MYOM3: variants seen among roughly 807,000 people sequenced by gnomAD.
The protein encoded by MYOM3 is myomesin-3.
Under a neutral mutation model 191.7 loss-of-function variants are expected in MYOM3, and 155 were observed. That is an observed-to-expected ratio of 0.81 (90% CI 0.71 to 0.92). The LOEUF (loss-of-function observed/expected upper bound fraction) is 0.92. MYOM3 is among the 40% of genes least tolerant of loss of function. MYOM3 has a pLI of 0.00. For missense variants in MYOM3, 1,889 were observed against 1,890.6 expected, an observed-to-expected ratio of 1.00 and a Z score of 0.02; for synonymous variants, 757 against 762.9, an observed-to-expected ratio of 0.99 and a Z score of 0.13.
intron 2 of MYOM3, 154 bp from the exon 3 acceptor site, chr1:24,108,227 T>TCC (rs11447181): frequency 2.7e-6 from 2 of 751,874 alleles, no homozygotes; most frequent in East Asian, 2.8e-5. Context: ...CAAGGCTGCA[T>TCC]CCCCCCGACC....
At chr1:24,059,555 A>G (rs1348601684) in intron 35 of MYOM3, among the ~76,000 whole-genome samples, 1 of 152,212 alleles carries the variant, frequency 6.6e-6, no homozygotes, top group Non-Finnish European at 1.5e-5. Flanking sequence ...TGGTACCTGG[A>G]GGTGACCATG....
intron 18 of MYOM3, 162 bp downstream of exon 18, chr1:24,081,839 G>T: frequency 1.4e-6 from 1 of 719,592 alleles, no homozygotes; most frequent in Non-Finnish European, 2.3e-6. Flanking sequence ...GCTCTAAACA[G>T]TTCTGTTCAA....
At chr1:24,109,077 C>T (rs1644018817) in intron 1 of MYOM3, among the ~76,000 whole-genome samples, 1 of 152,248 alleles carries the variant, frequency 6.6e-6, no homozygotes, top group South Asian at 2.1e-4. Context: ...GCAGGCGTCC[C>T]CATTCTTCCT....
At position 24,086,708 on chromosome 1, in the gene MYOM3, C is replaced by A. The variant is rs1234024694; in HGVS notation, c.1734G>T (p.Met578Ile). ...KKSYVFRVRA[M>I]NQYGLSDPSE... is the part of the protein sequence containing the mutation. ...AGGGATCGCTCAGGCCATACTGGTT[C>A]ATTGCTCGCACTCTGAAGACATACG... The change falls in exon 15 of 37, where the codon ATG becomes ATT. Residue 578 changes from methionine (M) to isoleucine (I), a missense_variant. Transcript: ENST00000374434. 6.2e-7 allele frequency: 1 copy of A among 1,614,068 alleles called. No homozygotes were observed. The highest frequency in any genetic ancestry group is 1.7e-5 in the Admixed American group (1 of 60,002).
intron 9 of MYOM3, among the ~76,000 whole-genome samples, chr1:24,094,517 G>A (rs900764295): frequency 2.0e-5 from 3 of 152,032 alleles, no homozygotes; most frequent in African/African-American, 7.2e-5. Context: ...GGCTGAGCAG[G>A]TGCCTGGTCA....
intron 16 of MYOM3, chr1:24,083,475 C>G (rs1570871411): frequency 6.5e-6 from 1 of 152,770 alleles, no homozygotes; most frequent in Admixed American, 6.5e-5. Context: ...GACTGGCTTC[C>G]TCGCTCCTCA....
At chr1:24,060,014 A>G (rs1362617056) in intron 35 of MYOM3, among the ~76,000 whole-genome samples, 1 of 152,168 alleles carries the variant, frequency 6.6e-6, no homozygotes, top group Non-Finnish European at 1.5e-5. Context: ...GCTGGACAAA[A>G]TGATTGTTTC....
chr1:24,091,017 C>G, intron 11 of MYOM3, 21 bp from the exon 12 acceptor site: 1 of 1,611,974 alleles, frequency 6.2e-7, no homozygotes, highest in Admixed American at 1.7e-5. Flanking sequence ...CAGGCCCCCC[C>G]TTTCAGCCCC....
In MYOM3 at chr1:24,080,143, A is replaced by T. The variant is rs1431084301; in HGVS notation, c.2459T>A (p.Leu820Gln). Reference sequence around the variant, plus strand: ...CATATACAGTGGGGGTTCCCACTGCAGCACCAGGGATGTGGCCCGCACCTC... The same window carrying T: ...CATATACAGTGGGGGTTCCCACTGCTGCACCAGGGATGTGGCCCGCACCTC... ...ASEVRATSLV[L>Q]QWEPPLYMGA... Residue 820 changes from leucine to glutamine, a missense_variant, in exon 20 of 37, where the codon CTG becomes CAG. Transcript: ENST00000374434. 1 of 1,613,752 alleles carries T rather than the reference A, an allele frequency of 6.2e-7. No homozygotes were observed. The highest frequency in any genetic ancestry group is 8.5e-7 in the Non-Finnish European group (1 of 1,179,866).
intron 8 of MYOM3, 139 bp downstream of exon 8, chr1:24,095,303 A>G (rs2148557591): frequency 1.2e-6 from 1 of 834,534 alleles, no homozygotes; most frequent in Non-Finnish European, 1.9e-6. Context: ...AGGTGCAGGT[A>G]TTACCAGCTC....
At chr1:24,107,614 T>G (rs1643995862) in intron 3 of MYOM3, among the ~76,000 whole-genome samples, 1 of 152,092 alleles carries the variant, frequency 6.6e-6, no homozygotes, top group African/African-American at 2.4e-5. Context: ...GAACGCTGCC[T>G]CTCCACGCCG....
At chr1:24,091,172 T>G (rs1014538551) in intron 11 of MYOM3, among the ~76,000 whole-genome samples, 176 bp from the exon 12 acceptor site, 5 of 152,148 alleles carry the variant, frequency 3.3e-5, no homozygotes, top group African/African-American at 1.2e-4. Flanking sequence ...CGGGAGACCT[T>G]TTCACCATCC....
intron 20 of MYOM3, among the ~76,000 whole-genome samples, chr1:24,078,513 A>T (rs1643629298): frequency 6.6e-6 from 1 of 151,692 alleles, no homozygotes; most frequent in Admixed American, 6.5e-5. Context: ...TGCCATTGTT[A>T]CGGGCTTCTT....
chr1:24,067,917 T>C, intron 27 of MYOM3, 53 bp downstream of exon 27: 1 of 1,573,380 alleles, frequency 6.4e-7, no homozygotes, highest in Non-Finnish European at 8.7e-7. Context: ...GTCCAGCATC[T>C]CTAGCACGAA....
intron 36 of MYOM3, among the ~76,000 whole-genome samples, chr1:24,058,303 A>G (rs971943762): frequency 2.0e-5 from 3 of 152,216 alleles, no homozygotes; most frequent in African/African-American, 7.2e-5. Flanking sequence ...AAATTACTGA[A>G]CAAGCTCTAA....
In MYOM3 at chr1:24,084,619, G is replaced by C. The variant is rs1557609907; in HGVS notation, c.1819C>G (p.Gln607Glu). ...TGTGTGTCTCTGAAAGCTTGAACTT[G>C]AGCTGGAGGAGGGAGGGTAGCTAAA... ...GPPATLPPPA[Q>E]VQAFRDTQTS... is the part of the protein sequence containing the mutation. Residue 607 changes from glutamine to glutamate, a missense_variant, in exon 16 of 37, where the codon CAA (glutamine) becomes GAA (glutamate). By Grantham distance (29) the Gln-to-Glu change is conservative. Coordinates refer to ENST00000374434, the MANE Select transcript of MYOM3 (RefSeq NM_152372.4). 1 of 1,612,884 alleles carries C rather than the reference G, an allele frequency of 6.2e-7. No homozygotes were observed. Among genetic ancestry groups the C allele is most frequent in the East Asian group, 2.2e-5 (1 of 44,856 alleles).
chr1:24,060,809 C>T lies in MYOM3; in HGVS notation c.3994+251G>A, dbSNP rs190064490. 5.9e-3 allele frequency among the ~76,000 whole-genome samples: 901 copies of T among 152,290 alleles called. 8 individuals carry two copies. Among genetic ancestry groups the T allele is most frequent in the Non-Finnish European group, 5.5e-3 (373 of 68,014 alleles). ...TCATTCCTGTCTGTCCCCTCCTTTTCGGTCCCACCAATGTAGTCCATGTGC... is the reference window on the plus strand; with the variant it reads ...TCATTCCTGTCTGTCCCCTCCTTTTTGGTCCCACCAATGTAGTCCATGTGC... On this transcript the variant is annotated intron_variant, in intron 35 of 36. Transcript: ENST00000374434.
At chr1:24,071,908 G>T in intron 24 of MYOM3, 61 bp downstream of exon 24, 1 of 1,553,762 alleles carries the variant, frequency 6.4e-7, no homozygotes, top group South Asian at 1.1e-5. Context: ...GCTCTGCTCA[G>T]AACATGCCAA....
intron 16 of MYOM3, 30 bp downstream of exon 16, chr1:24,084,438 G>T: frequency 6.2e-7 from 1 of 1,612,066 alleles, no homozygotes; most frequent in Non-Finnish European, 8.5e-7. Context: ...AGCAGTGTGA[G>T]AACAGACTGA....
Sources: allele counts gnomAD v4.1 joint callset (sites outside exome capture counted in the v4.1 genomes callset), GRCh38; gene constraint gnomAD v4.1.1; transcripts MANE v1.5; gene names NCBI Gene and HGNC (gene_info 2026-07-23, HGNC 2026-07-21).